Variants in IFFO2 observed in about 807,000 individuals in gnomAD.
The protein encoded by IFFO2 is intermediate filament family orphan 2.
Under a neutral mutation model 53.5 loss-of-function variants are expected in IFFO2, and 19 were observed. The observed-to-expected ratio is 0.36, with a 90% CI of 0.25 to 0.52. The LOEUF is 0.52. IFFO2 is among the 20% of genes least tolerant of loss of function. IFFO2 has a pLI of 0.94. For missense variants in IFFO2, 570 were observed against 727.4 expected, an observed-to-expected ratio of 0.78 and a Z score of 2.49; for synonymous variants, 303 against 313.6, an observed-to-expected ratio of 0.97 and a Z score of 0.36.
At chr1:18,923,611 G>A (rs916137827) in intron 1 of IFFO2, among the ~76,000 whole-genome samples, 1 of 152,234 alleles carries the variant, frequency 6.6e-6, no homozygotes, top group African/African-American at 2.4e-5. Flanking sequence ...CCATCTTGCA[G>A]ATGAGGGAGC....
At chr1:18,946,743 G>T (rs1936593857) in intron 1 of IFFO2, among the ~76,000 whole-genome samples, 1 of 152,028 alleles carries the variant, frequency 6.6e-6, no homozygotes. Flanking sequence ...AAGGTGTCTT[G>T]GCCCAGTTCC....
At chr1:18,913,827 T>TTG (rs1936085006) in intron 5 of IFFO2, among the ~76,000 whole-genome samples, 6 of 147,966 alleles carry the variant, frequency 4.1e-5, no homozygotes, top group Non-Finnish European at 8.9e-5. Flanking sequence ...GTTGTTGTTT[T>TTG]TTTGTTTGTT....
chr1:18,924,695 G>T (rs1936258350), intron 1 of IFFO2, among the ~76,000 whole-genome samples: 1 of 152,206 alleles, frequency 6.6e-6, no homozygotes, highest in African/African-American at 2.4e-5. Flanking sequence ...AGGAAGGCTG[G>T]AGTGAACATA....
chr1:18,920,372 TCTAA>T (rs1250487676), intron 2 of IFFO2, among the ~76,000 whole-genome samples: 6 of 152,396 alleles, frequency 3.9e-5, no homozygotes, highest in Middle Eastern at 3.4e-3. Flanking sequence ...TTAATCTGTC[TCTAA>T]CTGTCTTAGA....
At position 18,949,377 on chromosome 1, in the gene IFFO2, A is replaced by T. The variant is rs898645641; in HGVS notation, c.665+6291T>A. ...ACAACTCCGGGTGTGGGGGGCTGTG[A>T]TCGGGAGGTGGTGGGTGCTTAGGAC... On this transcript the variant is annotated intron_variant, in intron 1 of 8. Transcript: ENST00000455833. 4.0e-4 allele frequency among the ~76,000 whole-genome samples: 61 copies of T among 152,228 alleles called. 4 individuals are homozygous for T. The highest frequency in any genetic ancestry group is 4.4e-5 in the Non-Finnish European group (3 of 68,034).
At chr1:18,927,528 G>A (rs1284529491) in intron 1 of IFFO2, among the ~76,000 whole-genome samples, 1 of 152,240 alleles carries the variant, frequency 6.6e-6, no homozygotes, top group Non-Finnish European at 1.5e-5. Context: ...AGGGAGCTGT[G>A]CTGGAGCCCG....
At chr1:18,925,842 GGATGGATGGATT>G (rs1557643108) in intron 1 of IFFO2, among the ~76,000 whole-genome samples, 11 of 75,044 alleles carry the variant, frequency 1.5e-4, no homozygotes, top group Admixed American at 5.3e-4. Context: ...ATGGATGGAT[GGATGGATGGATT>G]GGTTGGATGG....
chr1:18,956,135 G>A lies in IFFO2; in HGVS notation c.198C>T (p.Cys66=), dbSNP rs1331489140. 1 of 1,506,154 alleles carries A rather than the reference G, an allele frequency of 6.6e-7. No homozygotes were observed. Among genetic ancestry groups the A allele is most frequent in the Admixed American group, 2.1e-5 (1 of 48,622 alleles). The allele number at this position is 1,506,154 out of a possible 1,614,324, so 93.3% of individuals were successfully genotyped here. The change falls in exon 1 of 9, where the codon TGC becomes TGT. Residue 66 remains cysteine, a synonymous_variant. Transcript: ENST00000455833. The surrounding 1 kb of genome is among the most constrained non-coding windows in gnomAD (Gnocchi z 6.4). Reference sequence around the variant, plus strand: ...CCAGCTCGTGCACCTTAGCCAGGAAGCAGCGGAAGCGCACGTTGAGCCCCT... The same window carrying A: ...CCAGCTCGTGCACCTTAGCCAGGAAACAGCGGAAGCGCACGTTGAGCCCCT... ...LLKGLNVRFR[C]FLAKVHELER...
chr1:18,924,621 C>T (rs550783953), intron 1 of IFFO2, among the ~76,000 whole-genome samples: 6 of 152,318 alleles, frequency 3.9e-5, no homozygotes, highest in East Asian at 1.9e-4. Context: ...GAAGTGGCAG[C>T]GCCTGGATTC....
At chr1:18,926,052 GA>G (rs1359761733) in intron 1 of IFFO2, among the ~76,000 whole-genome samples, 10 of 89,656 alleles carry the variant, frequency 1.1e-4, no homozygotes, top group South Asian at 1.0e-3. Context: ...TGGATGGATG[GA>G]TTGGTTGGAT....
chr1:18,927,789 C>T (rs1484418064), intron 1 of IFFO2, among the ~76,000 whole-genome samples: 13 of 152,238 alleles, frequency 8.5e-5, no homozygotes, highest in Non-Finnish European at 1.3e-4. Context: ...ATTGGGAAGA[C>T]CAGAGCAGGC....
At chr1:18,927,194 C>A (rs752202609) in intron 1 of IFFO2, among the ~76,000 whole-genome samples, 4 of 152,182 alleles carry the variant, frequency 2.6e-5, no homozygotes, top group African/African-American at 9.7e-5. Flanking sequence ...AGCAGCTCCA[C>A]GTCAACGGCA....
In IFFO2 at chr1:18,919,623, T is replaced by C; in HGVS notation, c.822+55A>G. ...GAGCCTCGGAGGGAATGAAGCATTT[T>C]GCATGATGGGTGTGGGGGAGGTCAT... On this transcript the variant is annotated intron_variant, in intron 3 of 8. Coordinates refer to ENST00000455833, the MANE Select transcript of IFFO2 (RefSeq NM_001136265.2). This position sits in a 1 kb window ranked among gnomAD's most constrained non-coding sequence, Gnocchi z 4.9. The C allele has an allele frequency of 1.7e-6, 2 of 1,190,058 alleles. No homozygotes were observed. Among genetic ancestry groups the C allele is most frequent in the Non-Finnish European group, 2.4e-6 (2 of 817,376 alleles). The allele number at this position is 1,190,058 out of a possible 1,614,324, so 73.7% of individuals were successfully genotyped here. A position where few individuals can be genotyped will look rare whatever the true frequency, so the allele number is the denominator to read the frequency against.
chr1:18,943,632 C>A (rs1317168375), intron 1 of IFFO2, among the ~76,000 whole-genome samples: 1 of 152,168 alleles, frequency 6.6e-6, no homozygotes, highest in East Asian at 1.9e-4. Flanking sequence ...TATCATCATC[C>A]CATCCCATCC....
chr1:18,943,444 G>A (rs999940193), intron 1 of IFFO2, among the ~76,000 whole-genome samples: 2 of 152,124 alleles, frequency 1.3e-5, no homozygotes, highest in African/African-American at 2.4e-5. Context: ...CAGGCCACAT[G>A]CCCAGACAAG....
At chr1:18,914,034 T>G (rs1280631058) in intron 5 of IFFO2, among the ~76,000 whole-genome samples, 2 of 152,100 alleles carry the variant, frequency 1.3e-5, no homozygotes, top group Non-Finnish European at 2.9e-5. Flanking sequence ...CGTTTCACCG[T>G]GTTAGCCAGG....
chr1:18,935,361 G>A (rs145009922), intron 1 of IFFO2, among the ~76,000 whole-genome samples: 160 of 152,214 alleles, frequency 1.1e-3, no homozygotes, highest in Non-Finnish European at 1.9e-3. Flanking sequence ...GGAGAACAAG[G>A]CCACGTGCTA....
chr1:18,954,534 G>A (rs1936699882), intron 1 of IFFO2, among the ~76,000 whole-genome samples: 1 of 152,258 alleles, frequency 6.6e-6, no homozygotes, highest in Non-Finnish European at 1.5e-5. Flanking sequence ...AAGCCCTGGA[G>A]TTCAGAGCCA....
Position 18,928,983 on chromosome 1 carries a change from A to G in IFFO2, c.666-7862T>C, listed in dbSNP as rs559423486. Among the ~76,000 whole-genome samples, 1 of 152,334 alleles carries G rather than the reference A, an allele frequency of 6.6e-6. No homozygotes were observed. The highest frequency in any genetic ancestry group is 1.9e-4 in the East Asian group (1 of 5,178). ...ACACCCGCTGGGTGCCCTCTCCCAGAAGAAGCAGCAGCGTGGTGTGGGAGC... is the reference window on the plus strand; with the variant it reads ...ACACCCGCTGGGTGCCCTCTCCCAGGAGAAGCAGCAGCGTGGTGTGGGAGC... On this transcript the variant is annotated intron_variant, in intron 1 of 8. Coordinates refer to ENST00000455833, the MANE Select transcript of IFFO2 (RefSeq NM_001136265.2). The surrounding 1 kb of genome is among the most constrained non-coding windows in gnomAD (Gnocchi z 4.9).
Sources: gnomAD v4.1 joint callset for allele counts (sites outside exome capture counted in the v4.1 genomes callset) on GRCh38, gnomAD v4.1.1 for gene constraint, Gnocchi (gnomAD v3.1) non-coding constraint, MANE v1.5 for transcripts, NCBI Gene and HGNC (gene_info 2026-07-23, HGNC 2026-07-21) for gene names.